LARP1: variants seen among roughly 807,000 people sequenced by gnomAD.
LARP1 encodes La ribonucleoprotein 1, translational regulator.
LARP1 carries 36 observed loss-of-function variants against 122.7 expected under a neutral mutation model. The ratio of observed to expected loss-of-function variants is 0.29; its 90% CI spans 0.22 to 0.39. The LOEUF is 0.39. Ranked by LOEUF, LARP1 falls within the 10% of genes least tolerant of loss-of-function variation. LARP1 has a pLI of 1.00. For missense variants in LARP1, 1,040 were observed against 1,403.6 expected (o/e 0.74, Z 4.14); for synonymous variants, 539 against 528.7 (o/e 1.02, Z -0.27).
In LARP1 at chr5:154,793,685, A is replaced by C; in HGVS notation, c.830A>C (p.Glu277Ala). Residue 277 changes from glutamate to alanine, a missense_variant, in exon 5 of 19, where the codon GAG (glutamate) becomes GCG (alanine). This residue lies in a region of LARP1 where 178 missense variants were observed against 178.3 expected (regional missense o/e 1.00). Coordinates refer to ENST00000518297, the MANE Select transcript of LARP1 (RefSeq NM_033551.3). Reference protein sequence around the residue: ...KLASRPTRPPEPRHIPANRGE... With the variant: ...KLASRPTRPPAPRHIPANRGE... ...GCTTCACGCCCCACTCGCCCACCGG[A>C]GCCTAGACACATACCTGCCAATCGC... The C allele has an allele frequency of 1.2e-6, 2 of 1,614,138 alleles. No individual in the cohort carries two copies. Among genetic ancestry groups the C allele is most frequent in the Non-Finnish European group, 1.7e-6 (2 of 1,179,998 alleles).
chr5:154,703,963 A>G (rs924810804), intron 1 of LARP1, among the ~76,000 whole-genome samples: 1 of 152,142 alleles, frequency 6.6e-6, no homozygotes, highest in African/African-American at 2.4e-5. Context: ...ACAAGCATTG[A>G]TTGAGTGCCA....
At position 154,799,843 on chromosome 5, in the gene LARP1, G is replaced by A. The variant is rs200466718; in HGVS notation, c.1547-30G>A. On this transcript the variant is annotated intron_variant, in intron 9 of 18. Coordinates refer to ENST00000518297, the MANE Select transcript of LARP1 (RefSeq NM_033551.3). ...GCTGGCATCAGGAGGAGGACTGGAGGGATGAGGACTTCCCCTTTCCACCCT... is the reference window on the plus strand; with the variant it reads ...GCTGGCATCAGGAGGAGGACTGGAGAGATGAGGACTTCCCCTTTCCACCCT... 103 of 1,611,010 alleles carry A rather than the reference G, an allele frequency of 6.4e-5. 1 individual carries two copies. In the South Asian group the frequency reaches 7.0e-4, roughly 11 times the overall value.
rs896201874 is a variant in LARP1 at position 154,802,529 on chromosome 5, G to A, written c.2109+130G>A. ...CAGAGTCTCAGGATTTTTATATATG[G>A]GAAGGGGATGATGACTGACATCTAG... On this transcript the variant is annotated intron_variant, in intron 11 of 18. Coordinates refer to ENST00000518297, the MANE Select transcript of LARP1 (RefSeq NM_033551.3). The surrounding 1 kb of genome is among the most constrained non-coding windows in gnomAD (Gnocchi z 5.1). 8.9e-7 allele frequency: 1 copy of A among 1,119,408 alleles called. No homozygotes were observed. The allele number at this position is 1,119,408 out of a possible 1,614,324, so 69.3% of individuals were successfully genotyped here.
intron 8 of LARP1, 56 bp from the exon 9 acceptor site, chr5:154,799,535 G>GGTT: frequency 1.3e-6 from 2 of 1,586,024 alleles, no homozygotes; most frequent in Non-Finnish European, 1.7e-6. Context: ...CCATTTCCAA[G>GGTT]ATCTTTCTGT....
intron 1 of LARP1, among the ~76,000 whole-genome samples, chr5:154,779,355 T>C (rs1582385848): frequency 6.6e-6 from 1 of 152,168 alleles, no homozygotes; most frequent in South Asian, 2.1e-4. Flanking sequence ...AGTTACTTAA[T>C]TGATGATGGC....
Position 154,802,536 on chromosome 5 carries a change from G to T in LARP1, c.2109+137G>T. 1 of 1,054,040 alleles carries T rather than the reference G, an allele frequency of 9.5e-7. No individual in the cohort carries two copies. The highest frequency in any genetic ancestry group is 1.3e-6 in the Non-Finnish European group (1 of 757,162). 65.3% of individuals were successfully genotyped at this position (1,054,040 alleles called of 1,614,324 possible). A position where few individuals can be genotyped will look rare whatever the true frequency, so the allele number is the denominator to read the frequency against. ...TCAGGATTTTTATATATGGGAAGGG[G>T]ATGATGACTGACATCTAGCTTGGGC... is the stretch of plus-strand genomic sequence containing the variant. On this transcript the variant is annotated intron_variant, in intron 11 of 18. Transcript: ENST00000518297. This position sits in a 1 kb window ranked among gnomAD's most constrained non-coding sequence, Gnocchi z 5.1.
chr5:154,767,792 A>G (rs1419634827), intron 1 of LARP1, among the ~76,000 whole-genome samples: 1 of 152,144 alleles, frequency 6.6e-6, no homozygotes, highest in Non-Finnish European at 1.5e-5. Context: ...CACCAATTAC[A>G]TGGATGGAAT....
At chr5:154,790,048 G>C (rs1757218198) in intron 1 of LARP1, among the ~76,000 whole-genome samples, 1 of 152,216 alleles carries the variant, frequency 6.6e-6, no homozygotes, top group South Asian at 2.1e-4. Flanking sequence ...TACTCTCTGA[G>C]GGCCTCCCAC....
intron 18 of LARP1, among the ~76,000 whole-genome samples, chr5:154,812,054 G>T (rs1470199331): frequency 6.6e-6 from 1 of 152,138 alleles, no homozygotes; most frequent in African/African-American, 2.4e-5. Context: ...CGCCTCAACG[G>T]TGACATCCAG....
chr5:154,759,477 T>A (rs1173017872), intron 1 of LARP1, among the ~76,000 whole-genome samples: 1 of 152,258 alleles, frequency 6.6e-6, no homozygotes, highest in East Asian at 1.9e-4. Flanking sequence ...AAGAATTAGC[T>A]ATTTTTTGCT....
chr5:154,762,896 A>T (rs1754576061), intron 1 of LARP1, among the ~76,000 whole-genome samples: 1 of 152,142 alleles, frequency 6.6e-6, no homozygotes, highest in Non-Finnish European at 1.5e-5. Context: ...TCTGATAGAG[A>T]TAGGGCTCTG....
upstream of LARP1, among the ~76,000 whole-genome samples, chr5:154,709,558 A>G (rs930197005): frequency 2.2e-5 from 3 of 135,860 alleles, no homozygotes; most frequent in Non-Finnish European, 4.7e-5. Flanking sequence ...CTCTGTCATC[A>G]TTGGTTCTTT....
chr5:154,747,566 T>C (rs1753262351), intron 1 of LARP1, among the ~76,000 whole-genome samples: 1 of 152,078 alleles, frequency 6.6e-6, no homozygotes, highest in Admixed American at 6.6e-5. Flanking sequence ...ATTAGCCGGA[T>C]GTGGTGGCGG....
chr5:154,709,334 A>G (rs1490810980), upstream of LARP1, among the ~76,000 whole-genome samples: 1 of 152,174 alleles, frequency 6.6e-6, no homozygotes, highest in East Asian at 1.9e-4. Flanking sequence ...TGAAAACTCC[A>G]AAAGCTTGTC....
chr5:154,755,543 C>T lies in LARP1; in HGVS notation c.-215C>T. ...AGGCCTGGACTGCAGAGTGGGGGGCCTTCCTCCCCCCCCGCCCCGCTAGTG... is the reference window on the plus strand; with the variant it reads ...AGGCCTGGACTGCAGAGTGGGGGGCTTTCCTCCCCCCCCGCCCCGCTAGTG... On this transcript the variant is annotated 5_prime_UTR_variant, in exon 1 of 19. Coordinates refer to ENST00000518297, the MANE Select transcript of LARP1 (RefSeq NM_033551.3). 1 of 986,774 alleles carries T rather than the reference C, an allele frequency of 1.0e-6. No individual in the cohort carries two copies. The highest frequency in any genetic ancestry group is 1.2e-6 in the Non-Finnish European group (1 of 829,604). The allele number at this position is 986,774 out of a possible 1,614,324, so 61.1% of individuals were successfully genotyped here.
intron 1 of LARP1, among the ~76,000 whole-genome samples, chr5:154,738,570 G>T (rs961410984): frequency 2.0e-5 from 3 of 151,976 alleles, no homozygotes; most frequent in Non-Finnish European, 4.4e-5. Context: ...CCAGACTGGG[G>T]GACAGAGCGA....
At chr5:154,801,327 C>T (rs367818036) in intron 10 of LARP1, among the ~76,000 whole-genome samples, 30 of 152,302 alleles carry the variant, frequency 2.0e-4, no homozygotes, top group African/African-American at 7.0e-4. Flanking sequence ...GGAGGCCTTC[C>T]GTAACCATTC....
At chr5:154,780,891 A>T (rs9942412) in intron 1 of LARP1, among the ~76,000 whole-genome samples, 3 of 151,708 alleles carry the variant, frequency 2.0e-5, no homozygotes, top group Admixed American at 6.6e-5. Flanking sequence ...GTGAAACCCC[A>T]TCTCTACTGA....
chr5:154,701,665 G>A (rs1341295071), intron 1 of LARP1, among the ~76,000 whole-genome samples: 1 of 147,212 alleles, frequency 6.8e-6, no homozygotes, highest in African/African-American at 2.5e-5. Flanking sequence ...ACTGTTGCCT[G>A]GGCTGGAGTG....
Sources: gnomAD v4.1 joint callset for allele counts (sites outside exome capture counted in the v4.1 genomes callset) on GRCh38, gnomAD v4.1.1 for gene constraint, gnomAD v4.1.1 regional missense constraint, Gnocchi (gnomAD v3.1) non-coding constraint, MANE v1.5 for transcripts, NCBI Gene and HGNC (gene_info 2026-07-23, HGNC 2026-07-21) for gene names.